Variants in PDE4B observed in about 807,000 individuals in gnomAD.
PDE4B encodes the protein phosphodiesterase 4B.
PDE4B carries 20 observed loss-of-function variants against 82.2 expected under a neutral mutation model. The ratio of observed to expected loss-of-function variants is 0.24; its 90% CI spans 0.17 to 0.35. The LOEUF is 0.35. Ranked by LOEUF, PDE4B falls within the 10% of genes least tolerant of loss-of-function variation. The pLI is 1.00. For synonymous variants in PDE4B, 320 were observed against 318.9 expected (o/e 1.00, Z -0.04); for missense variants, 655 against 907.2 (o/e 0.72, Z 3.57).
chr1:66,323,514 A>G (rs545886934), intron 7 of PDE4B, among the ~76,000 whole-genome samples: 25 of 152,294 alleles, frequency 1.6e-4, no homozygotes, highest in Non-Finnish European at 2.4e-4. Flanking sequence ...CTATACCCTT[A>G]GAGTTTCATG....
intron 3 of PDE4B, among the ~76,000 whole-genome samples, chr1:66,001,392 A>G (rs1010815141): frequency 6.6e-6 from 1 of 152,200 alleles, no homozygotes; most frequent in Non-Finnish European, 1.5e-5. Flanking sequence ...TAGTTTTGGG[A>G]TCAAAAGAAA....
intron 7 of PDE4B, among the ~76,000 whole-genome samples, chr1:66,293,084 C>T (rs900881590): frequency 3.3e-5 from 5 of 152,120 alleles, no homozygotes; most frequent in African/African-American, 1.2e-4. Flanking sequence ...GATTGTGACA[C>T]ATGATGATTC....
chr1:65,967,661 C>A (rs1649908019), intron 3 of PDE4B, among the ~76,000 whole-genome samples: 1 of 152,154 alleles, frequency 6.6e-6, no homozygotes, highest in African/African-American at 2.4e-5. Context: ...AAATGTGGCT[C>A]ATATACACCA....
chr1:66,122,093 C>T (rs1185394268), intron 3 of PDE4B, among the ~76,000 whole-genome samples: 1 of 152,154 alleles, frequency 6.6e-6, no homozygotes. Context: ...TTTGAAGTCA[C>T]ATGGCCGAGG....
rs575010287 is a variant in PDE4B at position 66,020,346 on chromosome 1, C to T, written c.281+101511C>T. The stretch of plus-strand genomic sequence containing the variant: ...TTTTTTTAATATACTTTAAGCTCTA[C>T]GGTACATGTGCACAACGTGCAGGTT... On this transcript the variant is annotated intron_variant, in intron 3 of 16. Coordinates refer to ENST00000341517, the MANE Select transcript of PDE4B (RefSeq NM_002600.4). 7.2e-5 allele frequency among the ~76,000 whole-genome samples: 11 copies of T among 152,048 alleles called. No individual in the cohort carries two copies. The East Asian group carries it at 9.7e-4, about 13-fold the overall frequency.
At chr1:66,229,260 C>T (rs969807290) in intron 3 of PDE4B, among the ~76,000 whole-genome samples, 1 of 151,916 alleles carries the variant, frequency 6.6e-6, no homozygotes, top group Non-Finnish European at 1.5e-5. Context: ...CCGCCCGCCT[C>T]GGCCTCCCAA....
chr1:66,317,382 T>A (rs1659098685), intron 7 of PDE4B, among the ~76,000 whole-genome samples: 1 of 152,122 alleles, frequency 6.6e-6, no homozygotes, highest in African/African-American at 2.4e-5. Context: ...AGCCCTAGAC[T>A]GCTTAGATGC....
chr1:66,000,038 C>G (rs972066136), intron 3 of PDE4B, among the ~76,000 whole-genome samples: 1 of 152,194 alleles, frequency 6.6e-6, no homozygotes, highest in Non-Finnish European at 1.5e-5. Context: ...CTCACTAGAG[C>G]CTAAATGCTT....
chr1:66,106,654 G>C (rs1349289015), intron 3 of PDE4B, among the ~76,000 whole-genome samples: 3 of 151,834 alleles, frequency 2.0e-5, no homozygotes, highest in Admixed American at 6.6e-5. Flanking sequence ...ACTTCTTCCT[G>C]GTTTGGTCTT....
chr1:66,326,802 T>C (rs1424330767), intron 7 of PDE4B, among the ~76,000 whole-genome samples: 1 of 152,218 alleles, frequency 6.6e-6, no homozygotes, highest in Non-Finnish European at 1.5e-5. Context: ...ATGCTTTCAA[T>C]TGCTAATCAT....
At chr1:65,920,231 C>A (rs1384332803) in intron 3 of PDE4B, among the ~76,000 whole-genome samples, 1 of 152,180 alleles carries the variant, frequency 6.6e-6, no homozygotes, top group African/African-American at 2.4e-5. Context: ...TGCTTTCATA[C>A]CAGTTGGTAA....
chr1:65,937,057 T>G (rs1403815979), intron 3 of PDE4B, among the ~76,000 whole-genome samples: 8 of 152,208 alleles, frequency 5.3e-5, no homozygotes, highest in Non-Finnish European at 1.0e-4. Flanking sequence ...TGGTGGACTC[T>G]TTCATAAGAA....
chr1:65,959,746 C>T (rs1284045397), intron 3 of PDE4B, among the ~76,000 whole-genome samples: 2 of 152,094 alleles, frequency 1.3e-5, no homozygotes, highest in Non-Finnish European at 2.9e-5. Context: ...AATAAATCCC[C>T]AGGCTTTCTC....
intron 3 of PDE4B, among the ~76,000 whole-genome samples, chr1:66,125,803 CT>C (rs1645810869): frequency 6.6e-6 from 1 of 152,000 alleles, no homozygotes; most frequent in East Asian, 1.9e-4. Context: ...TAACATTGTG[CT>C]TTTGTGTTGT....
At chr1:66,216,681 T>C (rs1437071343) in intron 3 of PDE4B, among the ~76,000 whole-genome samples, 2 of 152,170 alleles carry the variant, frequency 1.3e-5, no homozygotes, top group Non-Finnish European at 2.9e-5. Flanking sequence ...AGTCAGCTAT[T>C]AGCTAGGAAC....
intron 3 of PDE4B, among the ~76,000 whole-genome samples, chr1:66,193,747 G>A (rs1648024918): frequency 6.6e-6 from 1 of 151,996 alleles, no homozygotes; most frequent in Admixed American, 6.6e-5. Flanking sequence ...ATAAATTAAG[G>A]TTATTACCTA....
At chr1:65,982,481 G>C (rs1338175992) in intron 3 of PDE4B, among the ~76,000 whole-genome samples, 1 of 152,128 alleles carries the variant, frequency 6.6e-6, no homozygotes, top group Non-Finnish European at 1.5e-5. Context: ...GTTCTGGAGA[G>C]AGCATCAAAA....
At chr1:66,200,536 T>C (rs932624494) in intron 3 of PDE4B, among the ~76,000 whole-genome samples, 11 of 152,220 alleles carry the variant, frequency 7.2e-5, no homozygotes, top group African/African-American at 2.4e-4. Flanking sequence ...CAGTGGTCTG[T>C]AGTTCTCCTT....
chr1:66,030,293 G>A, intron 3 of PDE4B, among the ~76,000 whole-genome samples: 1 of 152,106 alleles, frequency 6.6e-6, no homozygotes, highest in East Asian at 1.9e-4. Context: ...GTTCATCAGG[G>A]ATATTGACCT....
Sources: allele counts gnomAD v4.1 joint callset (sites outside exome capture counted in the v4.1 genomes callset), GRCh38; gene constraint gnomAD v4.1.1; transcripts MANE v1.5; gene names NCBI Gene and HGNC (gene_info 2026-07-23, HGNC 2026-07-21).